Variants in COL6A6 observed in about 807,000 individuals in gnomAD.
COL6A6 encodes the protein collagen alpha-6(VI) chain.
Under a neutral mutation model 208.6 loss-of-function variants are expected in COL6A6, and 183 were observed. The observed-to-expected ratio is 0.88, with a 90% CI of 0.78 to 0.99. The LOEUF (loss-of-function observed/expected upper bound fraction) is 0.99. Among genes scored for constraint, COL6A6 ranks in the 50% least tolerant of loss-of-function variants. The pLI, the probability that COL6A6 is intolerant of heterozygous loss-of-function variation, is 0.00. For missense variants in COL6A6, 2,816 were observed against 2,815.2 expected, an observed-to-expected ratio of 1.00 and a Z score of -0.01; for synonymous variants, 973 against 1,011.8, an observed-to-expected ratio of 0.96 and a Z score of 0.73.
intron 1 of COL6A6, among the ~76,000 whole-genome samples, chr3:130,533,222 T>C (rs972880727): frequency 5.6e-5 from 8 of 142,026 alleles, no homozygotes; most frequent in Non-Finnish European, 1.2e-4. Context: ...CCTCTGTCAA[T>C]AATTCTTTCA....
chr3:130,605,536 C>G (rs528611848), intron 20 of COL6A6, among the ~76,000 whole-genome samples: 1 of 152,124 alleles, frequency 6.6e-6, no homozygotes, highest in Non-Finnish European at 1.5e-5. Context: ...TCAGAACAGA[C>G]AAACCCATGT....
intron 6 of COL6A6, among the ~76,000 whole-genome samples, chr3:130,570,567 C>G (rs1232189223): frequency 6.6e-6 from 1 of 152,134 alleles, no homozygotes; most frequent in Non-Finnish European, 1.5e-5. Flanking sequence ...TGTCACTTGA[C>G]CTCGTCCCAC....
In COL6A6 at chr3:130,574,379, C is replaced by G. The variant is rs371571902; in HGVS notation, c.3401C>G (p.Ser1134Cys). The G allele has an allele frequency of 2.5e-6, 4 of 1,613,884 alleles. No homozygotes were observed. The highest frequency in any genetic ancestry group is 3.3e-5 in the Admixed American group (2 of 60,006). Reference sequence around the variant, plus strand: ...AGACACAGAGGTATCGACATCTACTCCGTGGGCATTGGGGATGTGGATGAC... The same window carrying G: ...AGACACAGAGGTATCGACATCTACTGCGTGGGCATTGGGGATGTGGATGAC... ...ALRHRGIDIY[S>C]VGIGDVDDQQ... The change falls in exon 8 of 37, where the codon TCC becomes TGC. Residue 1134 changes from serine to cysteine, a missense_variant. Ser to Cys is a moderately radical substitution (Grantham distance 112, BLOSUM62 -1). Coordinates refer to ENST00000358511, the MANE Select transcript of COL6A6 (RefSeq NM_001102608.3).
intron 32 of COL6A6, among the ~76,000 whole-genome samples, chr3:130,647,083 A>G (rs991054915): frequency 7.9e-5 from 12 of 152,102 alleles, no homozygotes; most frequent in African/African-American, 2.9e-4. Context: ...TGTGGCAAGT[A>G]GCAGTCCTCA....
rs117951912 is a variant in COL6A6, at chr3:130,627,352, G to A, written c.4975G>A (p.Gly1659Arg). ...NDGSPGYGSV[G>R]RKGAKGQEGF... ...TGGCAGTCCAGGTTATGGTAGTGTCGGACGCAAGGGAGCAAAGGTAAGTCA... is the reference window on the plus strand; with the variant it reads ...TGGCAGTCCAGGTTATGGTAGTGTCAGACGCAAGGGAGCAAAGGTAAGTCA... Residue 1659 changes from glycine (G) to arginine (R), a missense_variant, in exon 26 of 37, where the codon GGA becomes AGA. Transcript: ENST00000358511. The A allele has an allele frequency of 3.1e-4, 498 of 1,613,688 alleles. 2 individuals are homozygous for A. The East Asian group carries it at 9.2e-3, about 30-fold the overall frequency.
intron 1 of COL6A6, among the ~76,000 whole-genome samples, chr3:130,532,602 C>T (rs1393965828): frequency 1.3e-5 from 2 of 152,202 alleles, no homozygotes; most frequent in Non-Finnish European, 2.9e-5. Flanking sequence ...TGGGATGTCT[C>T]CACTCCTATG....
intron 18 of COL6A6, among the ~76,000 whole-genome samples, 193 bp from the exon 19 acceptor site, chr3:130,598,172 C>G (rs964504630): frequency 7.9e-5 from 12 of 152,152 alleles, no homozygotes; most frequent in Non-Finnish European, 1.6e-4. Context: ...GGTCTCCGTT[C>G]TCTCTCTGAT....
chr3:130,649,399 C>G lies in COL6A6; in HGVS notation c.5570C>G (p.Thr1857Arg). 1 of 1,612,942 alleles carries G rather than the reference C, an allele frequency of 6.2e-7. No homozygotes were observed. The highest frequency in any genetic ancestry group is 1.7e-5 in the Admixed American group (1 of 59,906). ...ATTTCCAGGAATGTCTTCAAGCGGA[C>G]GCTTCCGGGGGCACACACGAGAAAA... ...RFISRNVFKR[T>R]LPGAHTRKIA... Residue 1857 changes from threonine (T) to arginine (R), a missense_variant, in exon 33 of 37, where the codon ACG (threonine) becomes AGG (arginine). Physicochemically the swap from Thr to Arg is moderately conservative, Grantham distance 71. Coordinates refer to ENST00000358511, the MANE Select transcript of COL6A6 (RefSeq NM_001102608.3).
chr3:130,649,506 A>C lies in COL6A6; in HGVS notation c.5677A>C (p.Ile1893Leu), dbSNP rs187321461. 9.3e-6 allele frequency: 15 copies of C among 1,606,128 alleles called. No individual in the cohort carries two copies. In the South Asian group the frequency reaches 1.6e-4, roughly 17 times the overall value. Reference protein sequence around the residue: ...TAAMEFGALEIIPVVITFSNV... With the variant: ...TAAMEFGALELIPVVITFSNV... The stretch of plus-strand genomic sequence containing the variant: ...TGCCATGGAGTTCGGCGCGCTTGAA[A>C]TCATTCCCGTGGTGATCACTTTCAG... Residue 1893 changes from isoleucine (I) to leucine (L), a missense_variant, in exon 33 of 37, where the codon ATC becomes CTC. By Grantham distance (5) the Ile-to-Leu change is conservative. Transcript: ENST00000358511.
Position 130,627,317 on chromosome 3 carries a change from A to G in COL6A6, c.4942-2A>G, listed in dbSNP as rs1323296023. Reference sequence around the variant, plus strand: ...GTTGGTAATCAATTGCTCTGTTTACAGGGCAATGATGGCAGTCCAGGTTAT... The same window carrying G: ...GTTGGTAATCAATTGCTCTGTTTACGGGGCAATGATGGCAGTCCAGGTTAT... On this transcript the variant is annotated splice_acceptor_variant, in intron 25 of 36. Transcript: ENST00000358511. LOFTEE classifies it high-confidence loss of function. The G allele has an allele frequency of 2.5e-6, 4 of 1,613,358 alleles. No individual in the cohort carries two copies. Among genetic ancestry groups the G allele is most frequent in the African/African-American group, 2.7e-5 (2 of 74,900 alleles).
chr3:130,641,939 A>G (rs1040941246), intron 29 of COL6A6, among the ~76,000 whole-genome samples: 17 of 152,344 alleles, frequency 1.1e-4, no homozygotes, highest in African/African-American at 4.1e-4. Flanking sequence ...GGAGGAAACC[A>G]AAAGTACTTA....
At chr3:130,552,314 C>T (rs4453810) in intron 1 of COL6A6, among the ~76,000 whole-genome samples, 113,955 of 152,054 alleles carry the variant, frequency 0.75, 44,098 homozygotes, top group Non-Finnish European at 0.85. Flanking sequence ...TGAATCTGGG[C>T]GCTGCTGTTT....
chr3:130,643,105 T>C (rs962842371), intron 31 of COL6A6, 82 bp downstream of exon 31: 207 of 1,435,022 alleles, frequency 1.4e-4, no homozygotes, highest in Middle Eastern at 3.8e-4. Flanking sequence ...CAGAATTGAA[T>C]TCACCAGCCA....
intron 22 of COL6A6, 59 bp from the exon 23 acceptor site, chr3:130,610,590 A>G (rs1181197387): frequency 1.6e-6 from 2 of 1,234,280 alleles, no homozygotes; most frequent in African/African-American, 1.5e-5. Context: ...GTAATATTCA[A>G]TTTAATATTC....
At chr3:130,649,957 A>G (rs2065585518) in intron 33 of COL6A6, among the ~76,000 whole-genome samples, 1 of 152,208 alleles carries the variant, frequency 6.6e-6, no homozygotes, top group Non-Finnish European at 1.5e-5. Flanking sequence ...ATACTGAATC[A>G]GGAGGCCGGT....
chr3:130,545,018 G>C (rs752672622), intron 1 of COL6A6, among the ~76,000 whole-genome samples: 1 of 152,116 alleles, frequency 6.6e-6, no homozygotes, highest in Non-Finnish European at 1.5e-5. Flanking sequence ...ATTTTAGTTT[G>C]ATGTATGCCC....
intron 1 of COL6A6, among the ~76,000 whole-genome samples, chr3:130,519,367 CT>C (rs1438663237): frequency 2.0e-5 from 3 of 152,138 alleles, no homozygotes; most frequent in Non-Finnish European, 4.4e-5. Flanking sequence ...GCTAGACCCC[CT>C]GCAAATATAT....
chr3:130,649,447 G>A lies in COL6A6; in HGVS notation c.5618G>A (p.Gly1873Asp), dbSNP rs2065565831. The change falls in exon 33 of 37, where the codon GGT (glycine) becomes GAT (aspartate). Residue 1873 changes from glycine to aspartate, a missense_variant. Gly to Asp is a moderately conservative substitution (Grantham distance 94). Transcript: ENST00000358511. The stretch of plus-strand genomic sequence containing the variant: ...AAAATCGCCACATTTTTCAGCAGCG[G>A]TCAGTCCGCGGATGCCCACTCCATC... Reference protein sequence around the residue: ...TRKIATFFSSGQSADAHSITT... With the variant: ...TRKIATFFSSDQSADAHSITT... 2 of 1,612,654 alleles carry A rather than the reference G, an allele frequency of 1.2e-6. No homozygotes were observed. The highest frequency in any genetic ancestry group is 2.2e-5 in the East Asian group (1 of 44,854).
chr3:130,661,831 C>G lies in COL6A6; in HGVS notation c.6025C>G (p.Arg2009Gly). 6.2e-6 allele frequency: 10 copies of G among 1,613,878 alleles called. No homozygotes were observed. Among genetic ancestry groups the G allele is most frequent in the Non-Finnish European group, 8.5e-6 (10 of 1,179,852 alleles). The stretch of plus-strand genomic sequence containing the variant: ...GCCGGAGACTTCTGTCACTGGAGAC[C>G]GGGTGGCCCTATTGAGCCATGCTCC... ...PEPETSVTGD[R>G]VALLSHAPPD... is the part of the protein sequence containing the mutation. Residue 2009 changes from arginine to glycine, a missense_variant, in exon 35 of 37, where the codon CGG (arginine) becomes GGG (glycine). By Grantham distance (125) the Arg-to-Gly change is moderately radical. Transcript: ENST00000358511.
Sources: allele counts gnomAD v4.1 joint callset (sites outside exome capture counted in the v4.1 genomes callset), GRCh38; gene constraint gnomAD v4.1.1; transcripts MANE v1.5; gene names NCBI Gene and HGNC (gene_info 2026-07-23, HGNC 2026-07-21).